Variants in ACSM4 observed in about 807,000 individuals in gnomAD.
ACSM4 encodes acyl-coenzyme A synthetase ACSM4, mitochondrial.
ACSM4 carries 66 observed loss-of-function variants against 73.0 expected under a neutral mutation model. That is an observed-to-expected ratio of 0.90 (90% CI 0.74 to 1.11). The LOEUF is 1.11. Ranked by LOEUF, ACSM4 falls within the 50% of genes least tolerant of loss-of-function variation. The pLI is 0.00. For synonymous variants in ACSM4, 222 were observed against 254.0 expected (o/e 0.87, Z 1.20); for missense variants, 645 against 714.4 (o/e 0.90, Z 1.11).
chr12:7,309,323 C>T (rs772079449), intron 2 of ACSM4, among the ~76,000 whole-genome samples: 57 of 152,226 alleles, frequency 3.7e-4, no homozygotes, highest in African/African-American at 1.2e-3. Context: ...TCTCACATTC[C>T]GTCAATGGGC....
intron 2 of ACSM4, among the ~76,000 whole-genome samples, chr12:7,309,470 A>C (rs1946378440): frequency 6.6e-6 from 1 of 152,236 alleles, no homozygotes; most frequent in African/African-American, 2.4e-5. Flanking sequence ...CTACTGCACT[A>C]ATACAGTATG....
chr12:7,310,406 T>G, intron 2 of ACSM4, 133 bp from the exon 3 acceptor site: 1 of 837,154 alleles, frequency 1.2e-6, no homozygotes, highest in Non-Finnish European at 1.9e-6. Context: ...GCAATATCCT[T>G]GGGCATCAAG....
At chr12:7,306,845 GACA>G (rs1946365233) in intron 2 of ACSM4, 102 bp downstream of exon 2, 152 of 332,666 alleles carry the variant, frequency 4.6e-4, no homozygotes, top group South Asian at 2.2e-3. Context: ...GCATACAGAA[GACA>G]AAAAAAAAAA....
chr12:7,312,681 G>T (rs1397624633), intron 3 of ACSM4, among the ~76,000 whole-genome samples: 2 of 152,212 alleles, frequency 1.3e-5, no homozygotes, highest in South Asian at 2.1e-4. Context: ...TTATCCATAA[G>T]ATGGAGATGA....
At position 7,328,310 on chromosome 12, in the gene ACSM4, A is replaced by G; in HGVS notation, c.1680A>G (p.Pro560=). ...AGGTGGAATTTGTTCAAGAACTCCC[A>G]AAGACAATCACTGGGAAAATCAAAC... ...PRKVEFVQEL[P]KTITGKIKRN... The change falls in exon 13 of 13, where the codon CCA becomes CCG. Residue 560 remains proline, a synonymous_variant. Coordinates refer to ENST00000399422, the MANE Select transcript of ACSM4 (RefSeq NM_001080454.2). 6.3e-7 allele frequency: 1 copy of G among 1,591,790 alleles called. No individual in the cohort carries two copies.
chr12:7,324,540 A>G lies in ACSM4; in HGVS notation c.1478A>G (p.Glu493Gly), dbSNP rs1946489476. The change falls in exon 11 of 13, where the codon GAG becomes GGG. Residue 493 changes from glutamate to glycine, a missense_variant. Transcript: ENST00000399422. ...GPFEVESALIEHPAVVESAVV... is the reference protein window; with the variant it reads ...GPFEVESALIGHPAVVESAVV... ...TTTGAAGTGGAGAGTGCACTCATTGAGCATCCAGCAGTTGTTGAATCGGCT... is the reference window on the plus strand; with the variant it reads ...TTTGAAGTGGAGAGTGCACTCATTGGGCATCCAGCAGTTGTTGAATCGGCT... The G allele has an allele frequency of 1.9e-6, 3 of 1,613,878 alleles. No homozygotes were observed. Among genetic ancestry groups the G allele is most frequent in the African/African-American group, 1.3e-5 (1 of 74,926 alleles).
At chr12:7,321,486 G>A (rs1770044118) in intron 6 of ACSM4, among the ~76,000 whole-genome samples, 1 of 152,234 alleles carries the variant, frequency 6.6e-6, no homozygotes, top group Admixed American at 6.5e-5. Flanking sequence ...ATGCGAGACA[G>A]AATAAAGCAA....
intron 11 of ACSM4, among the ~76,000 whole-genome samples, chr12:7,325,555 G>A (rs1440413048): frequency 6.6e-6 from 1 of 152,160 alleles, no homozygotes; most frequent in Non-Finnish European, 1.5e-5. Flanking sequence ...GCTGAGGCAG[G>A]AGAACTGCTT....
intron 11 of ACSM4, among the ~76,000 whole-genome samples, chr12:7,325,606 C>T (rs1458003757): frequency 6.6e-6 from 1 of 152,110 alleles, no homozygotes; most frequent in Non-Finnish European, 1.5e-5. Flanking sequence ...AAGATTGCAC[C>T]ACTGTACTCC....
intron 9 of ACSM4, among the ~76,000 whole-genome samples, chr12:7,323,886 T>C (rs1018306914): frequency 3.3e-5 from 5 of 152,110 alleles, no homozygotes; most frequent in Non-Finnish European, 7.3e-5. Context: ...TTAAAAAAAT[T>C]TAATTTCCAG....
intron 6 of ACSM4, among the ~76,000 whole-genome samples, chr12:7,321,887 A>G (rs1226561831): frequency 6.6e-6 from 1 of 152,238 alleles, no homozygotes; most frequent in Non-Finnish European, 1.5e-5. Flanking sequence ...TGTAAGTGAC[A>G]TGCTTGGTGA....
intron 9 of ACSM4, 73 bp downstream of exon 9, chr12:7,323,633 T>C: frequency 7.4e-7 from 1 of 1,351,826 alleles, no homozygotes; most frequent in Non-Finnish European, 1.0e-6. Context: ...CGTGTCTTGC[T>C]ATGTAATCTT....
intron 12 of ACSM4, among the ~76,000 whole-genome samples, 174 bp from the exon 13 acceptor site, chr12:7,328,113 A>ACG (rs1329038313): frequency 1.3e-5 from 2 of 152,192 alleles, no homozygotes; most frequent in Non-Finnish European, 2.9e-5. Flanking sequence ...GAGCTACACT[A>ACG]TCACCCTTCC....
intron 6 of ACSM4, among the ~76,000 whole-genome samples, chr12:7,321,047 C>T (rs2136335195): frequency 6.6e-6 from 1 of 152,236 alleles, no homozygotes; most frequent in African/African-American, 2.4e-5. Flanking sequence ...TCAAAAATGT[C>T]CCTAGACACT....
chr12:7,322,012 C>T (rs1946467433), intron 6 of ACSM4, among the ~76,000 whole-genome samples: 2 of 152,138 alleles, frequency 1.3e-5, no homozygotes, highest in African/African-American at 2.4e-5. Context: ...CCTCAATGTC[C>T]TCATGTGTAA....
chr12:7,304,922 T>C (rs969077970), intron 1 of ACSM4, among the ~76,000 whole-genome samples: 12 of 152,182 alleles, frequency 7.9e-5, no homozygotes, highest in African/African-American at 2.9e-4. Flanking sequence ...AATTGGAGGT[T>C]GACAAGAATA....
Position 7,304,448 on chromosome 12 carries a change from A to G in ACSM4, c.117A>G (p.Glu39=). ...LWTPLTLADF[E]AINRCNRPLP... ...CGCCTCTGACTCTTGCTGACTTTGAAGCCATAAATCGCTGTAACAGGCCAT... is the reference window on the plus strand; with the variant it reads ...CGCCTCTGACTCTTGCTGACTTTGAGGCCATAAATCGCTGTAACAGGCCAT... The change falls in exon 1 of 13, where the codon GAA becomes GAG. Residue 39 remains glutamate, a synonymous_variant. Transcript: ENST00000399422. The G allele has an allele frequency of 1.2e-6, 2 of 1,614,008 alleles. No homozygotes were observed. Among genetic ancestry groups the G allele is most frequent in the Non-Finnish European group, 1.7e-6 (2 of 1,179,864 alleles).
chr12:7,315,431 T>C (rs1565753284), intron 3 of ACSM4, among the ~76,000 whole-genome samples: 3 of 151,642 alleles, frequency 2.0e-5, no homozygotes, highest in Non-Finnish European at 4.4e-5. Context: ...GCCAACATGG[T>C]AGCACCCCAT....
chr12:7,322,153 C>T (rs1247309897), intron 6 of ACSM4, among the ~76,000 whole-genome samples: 1 of 152,152 alleles, frequency 6.6e-6, no homozygotes, highest in Non-Finnish European at 1.5e-5. Context: ...CTTCTCCTGC[C>T]TTTTTACATC....
Sources: gnomAD v4.1 joint callset for allele counts (sites outside exome capture counted in the v4.1 genomes callset) on GRCh38, gnomAD v4.1.1 for gene constraint, MANE v1.5 for transcripts, NCBI Gene and HGNC (gene_info 2026-07-23, HGNC 2026-07-21) for gene names.